The following ROBO2 variants were observed in gnomAD, a reference collection of about 807,000 sequenced individuals.
ROBO2 encodes roundabout guidance receptor 2.
A neutral mutation model predicts 160.8 loss-of-function variants in ROBO2; 53 were observed. The ratio of observed to expected loss-of-function variants is 0.33; its 90% CI spans 0.26 to 0.41. The LOEUF is 0.41. Ranked by LOEUF, ROBO2 falls within the 10% of genes least tolerant of loss-of-function variation. The pLI is 1.00. For missense variants in ROBO2, 1,577 were observed against 1,722.4 expected, an observed-to-expected ratio of 0.92 and a Z score of 1.49; for synonymous variants, 664 against 611.7, an observed-to-expected ratio of 1.09 and a Z score of -1.26.
intron 2 of ROBO2, among the ~76,000 whole-genome samples, chr3:77,295,924 G>T: frequency 1.1e-5 from 1 of 88,548 alleles, no homozygotes; most frequent in South Asian, 3.8e-4. Flanking sequence ...GATCACCCAG[G>T]CATAAAGTAA....
At chr3:77,148,273 A>G (rs927390526) in intron 2 of ROBO2, among the ~76,000 whole-genome samples, 2 of 152,142 alleles carry the variant, frequency 1.3e-5, no homozygotes, top group Non-Finnish European at 2.9e-5. Context: ...GTTCATTCCT[A>G]TCGATTAAAG....
chr3:75,956,336 G>T (rs1364741957), intron 2 of ROBO2, among the ~76,000 whole-genome samples: 1 of 151,552 alleles, frequency 6.6e-6, no homozygotes, highest in African/African-American at 2.4e-5. Flanking sequence ...GGGTCTTTCT[G>T]TAATGCCTTA....
intron 2 of ROBO2, among the ~76,000 whole-genome samples, chr3:77,314,138 G>T (rs2063772195): frequency 6.6e-6 from 1 of 152,076 alleles, no homozygotes. Flanking sequence ...ACAACTCATA[G>T]GCCACAACAA....
At chr3:77,338,530 A>G (rs747597211) in intron 2 of ROBO2, among the ~76,000 whole-genome samples, 2 of 152,220 alleles carry the variant, frequency 1.3e-5, no homozygotes, top group Non-Finnish European at 2.9e-5. Flanking sequence ...GAGCAACGAG[A>G]CAATGTTGTG....
intron 2 of ROBO2, among the ~76,000 whole-genome samples, chr3:76,529,117 C>A (rs1386971506): frequency 6.6e-6 from 1 of 152,040 alleles, no homozygotes; most frequent in African/African-American, 2.4e-5. Context: ...TGAAAGACAG[C>A]ATGTTATGTA....
chr3:76,465,999 GT>G lies in ROBO2; in HGVS notation c.109+528398del, dbSNP rs1482848379. Among the ~76,000 whole-genome samples, 42 of 1,490 alleles carry G rather than the reference GT, an allele frequency of 0.028. No individual in the cohort carries two copies. The East Asian group carries it at 0.47, about 17-fold the overall frequency. The allele number at this position is 1,490 out of a possible 152,430, so 1.0% of individuals were successfully genotyped here. On this transcript the variant is annotated intron_variant, in intron 2 of 26. Coordinates refer to the ROBO2 transcript ENST00000487694. Reference sequence around the variant, plus strand: ...TTAAAATATCCTGGATAAAATATGGGTGTGTGTGTGTGTGTGTGTGTGTGTG... The same window carrying G: ...TTAAAATATCCTGGATAAAATATGGGGTGTGTGTGTGTGTGTGTGTGTGTG...
intron 17 of ROBO2, among the ~76,000 whole-genome samples, chr3:77,592,411 G>T (rs2094201977): frequency 6.6e-6 from 1 of 152,072 alleles, no homozygotes; most frequent in South Asian, 2.1e-4. Context: ...TGCTTAATAA[G>T]AAATATTTTT....
chr3:77,553,767 G>T (rs1056188139), intron 8 of ROBO2, among the ~76,000 whole-genome samples: 2 of 151,938 alleles, frequency 1.3e-5, no homozygotes, highest in Non-Finnish European at 2.9e-5. Flanking sequence ...TGAGAGAGGT[G>T]AGGAAGCTGT....
chr3:77,058,422 C>G (rs1378127189), intron 1 of ROBO2, among the ~76,000 whole-genome samples: 1 of 152,098 alleles, frequency 6.6e-6, no homozygotes, highest in African/African-American at 2.4e-5. Context: ...CTTTCCAGCT[C>G]TTGTGAGGGT....
At chr3:76,899,076 CACA>C (rs1161288700) in intron 2 of ROBO2, among the ~76,000 whole-genome samples, 2 of 152,014 alleles carry the variant, frequency 1.3e-5, no homozygotes, top group Admixed American at 6.6e-5. Flanking sequence ...GTAGAATGTA[CACA>C]ACAATTCTTC....
chr3:76,872,096 A>G (rs906899414), intron 2 of ROBO2, among the ~76,000 whole-genome samples: 2 of 152,138 alleles, frequency 1.3e-5, no homozygotes, highest in Admixed American at 1.3e-4. Context: ...ATTTTCTTTT[A>G]TTCTACAAAG....
chr3:76,323,315 C>G (rs1203501215), intron 2 of ROBO2, among the ~76,000 whole-genome samples: 1 of 152,050 alleles, frequency 6.6e-6, no homozygotes, highest in African/African-American at 2.4e-5. Context: ...ACTCAAATAG[C>G]CAAATCTGGA....
chr3:77,546,567 T>C, intron 7 of ROBO2, 105 bp downstream of exon 8: 1 of 1,417,894 alleles, frequency 7.1e-7, no homozygotes, highest in South Asian at 1.2e-5. Flanking sequence ...TTTGAATTTA[T>C]TTTATTTCTG....
At chr3:77,610,582 C>T (rs2094608532) in intron 21 of ROBO2, among the ~76,000 whole-genome samples, 1 of 151,582 alleles carries the variant, frequency 6.6e-6, no homozygotes, top group Admixed American at 6.6e-5. Flanking sequence ...TGTTGGATGC[C>T]AGGCACTGAG....
intron 2 of ROBO2, among the ~76,000 whole-genome samples, chr3:77,425,882 C>A (rs551517179): frequency 6.6e-6 from 1 of 151,862 alleles, no homozygotes; most frequent in Non-Finnish European, 1.5e-5. Context: ...AGGCTGATCT[C>A]GAACTCCTGA....
chr3:76,079,361 C>T, intron 2 of ROBO2, among the ~76,000 whole-genome samples: 1 of 152,004 alleles, frequency 6.6e-6, no homozygotes, highest in Non-Finnish European at 1.5e-5. Flanking sequence ...CAATAACCCT[C>T]ATTTGATCAT....
In ROBO2 at chr3:75,911,552, C is replaced by CTTTTTTT. The variant is rs56787695; in HGVS notation, c.-14+4609_-14+4615dup. Among the ~76,000 whole-genome samples the CTTTTTTT allele has an allele frequency of 5.3e-3, 441 of 83,452 alleles. 3 individuals carry two copies. The highest frequency in any genetic ancestry group is 0.012 in the Middle Eastern group (1 of 84). 54.7% of individuals were successfully genotyped at this position (83,452 alleles called of 152,430 possible). ...AAGATCCCTTTCTGAAGCCTTGTTT[C>CTTTTTTT]TTTTTTTTTTTTTTTTTTTTTTTGA... On this transcript the variant is annotated intron_variant, in intron 1 of 26. Coordinates refer to the ROBO2 transcript ENST00000487694.
chr3:76,099,732 T>G lies in ROBO2; in HGVS notation c.109+162130T>G, dbSNP rs529307974. ...TTTCTCTAAAAAAATTTTCACTTATTAAAATGTTTTGGAATATGGCTTACC... is the reference window on the plus strand; with the variant it reads ...TTTCTCTAAAAAAATTTTCACTTATGAAAATGTTTTGGAATATGGCTTACC... On this transcript the variant is annotated intron_variant, in intron 2 of 26. Transcript: ENST00000487694. Among the ~76,000 whole-genome samples, 13 of 152,248 alleles carry G rather than the reference T, an allele frequency of 8.5e-5. No individual in the cohort carries two copies. In the East Asian group the frequency reaches 2.5e-3, roughly 29 times the overall value.
chr3:76,722,776 CAT>C (rs1200728062), intron 2 of ROBO2, among the ~76,000 whole-genome samples: 2 of 152,194 alleles, frequency 1.3e-5, no homozygotes, highest in Non-Finnish European at 2.9e-5. Context: ...CATATTGTAG[CAT>C]ATATCAGTAC....
Sources: gnomAD v4.1 joint callset for allele counts (sites outside exome capture counted in the v4.1 genomes callset) on GRCh38, gnomAD v4.1.1 for gene constraint, MANE v1.5 for transcripts, NCBI Gene and HGNC (gene_info 2026-07-23, HGNC 2026-07-21) for gene names.